RNF24: variants seen among roughly 807,000 people sequenced by gnomAD.
RNF24 encodes ring finger protein 24.
A neutral mutation model predicts 20.0 loss-of-function variants in RNF24; 14 were observed. The ratio of observed to expected loss-of-function variants is 0.70; its 90% CI spans 0.46 to 1.10. The LOEUF is 1.10. Among genes scored for constraint, RNF24 ranks in the 50% least tolerant of loss-of-function variants. RNF24 has a pLI of 0.00. For synonymous variants in RNF24, 45 were observed against 61.1 expected, an observed-to-expected ratio of 0.74 and a Z score of 1.23; for missense variants, 124 against 177.6, an observed-to-expected ratio of 0.70 and a Z score of 1.71.
At chr20:4,010,229 T>C (rs1489197319) in intron 1 of RNF24, among the ~76,000 whole-genome samples, 1 of 149,616 alleles carries the variant, frequency 6.7e-6, no homozygotes, top group Non-Finnish European at 1.5e-5. Flanking sequence ...AAAAATTAGC[T>C]GGACATGGTG....
intron 2 of RNF24, among the ~76,000 whole-genome samples, chr20:3,958,631 A>G (rs2091168388): frequency 6.6e-6 from 1 of 152,072 alleles, no homozygotes; most frequent in Non-Finnish European, 1.5e-5. Context: ...CTTTCTCACA[A>G]TATTCTGTGC....
chr20:3,963,781 TATC>T (rs906618978), intron 2 of RNF24, 91 bp downstream of exon 2: 14 of 1,100,620 alleles, frequency 1.3e-5, no homozygotes, highest in East Asian at 1.0e-4. Context: ...ATTTGCCAAT[TATC>T]ATACTTCATT....
At chr20:3,959,278 G>T (rs899640473) in intron 2 of RNF24, among the ~76,000 whole-genome samples, 1 of 152,050 alleles carries the variant, frequency 6.6e-6, no homozygotes, top group Non-Finnish European at 1.5e-5. Context: ...AGCTGCCTAA[G>T]CCAGAAGTCC....
chr20:3,980,981 G>A (rs1168782792), intron 1 of RNF24, among the ~76,000 whole-genome samples: 1 of 151,690 alleles, frequency 6.6e-6, no homozygotes, highest in African/African-American at 2.4e-5. Context: ...GGGGGCAGGG[G>A]GAGGGGGCGG....
chr20:4,011,104 G>A (rs1259347524), intron 1 of RNF24, among the ~76,000 whole-genome samples: 1 of 152,158 alleles, frequency 6.6e-6, no homozygotes, highest in Non-Finnish European at 1.5e-5. Flanking sequence ...AGGAACACCA[G>A]GGATAAACTG....
At chr20:3,946,723 G>A (rs241638) in intron 3 of RNF24, among the ~76,000 whole-genome samples, 45,865 of 149,150 alleles carry the variant, frequency 0.31, 7,800 homozygotes, top group African/African-American at 0.45. Context: ...GATTATGATA[G>A]GACTGAGACA....
chr20:3,989,117 G>C (rs1219875112), intron 1 of RNF24, among the ~76,000 whole-genome samples: 1 of 152,154 alleles, frequency 6.6e-6, no homozygotes, highest in East Asian at 1.9e-4. Flanking sequence ...TGTCTTTTCT[G>C]AGAGGACAAG....
At chr20:4,014,299 C>G (rs1440254822) in intron 1 of RNF24, among the ~76,000 whole-genome samples, 4 of 152,246 alleles carry the variant, frequency 2.6e-5, no homozygotes, top group African/African-American at 9.6e-5. Context: ...ACCTGCTGGA[C>G]TACCTTCTCA....
At chr20:3,973,031 C>T (rs1278278636) in intron 1 of RNF24, among the ~76,000 whole-genome samples, 2 of 151,602 alleles carry the variant, frequency 1.3e-5, no homozygotes, top group Non-Finnish European at 2.9e-5. Flanking sequence ...GGTAAAACCC[C>T]GTCTCTACTA....
At chr20:3,948,514 C>A (rs993264639) in intron 2 of RNF24, among the ~76,000 whole-genome samples, 9 of 151,998 alleles carry the variant, frequency 5.9e-5, no homozygotes, top group African/African-American at 2.2e-4. Flanking sequence ...TCTTTTTATA[C>A]CGACAGTCTA....
At chr20:3,954,852 T>A (rs1216090473) in intron 2 of RNF24, among the ~76,000 whole-genome samples, 1 of 150,860 alleles carries the variant, frequency 6.6e-6, no homozygotes, top group African/African-American at 2.4e-5. Context: ...TGAGCCGAGA[T>A]CGCGCCATTG....
intron 1 of RNF24, among the ~76,000 whole-genome samples, chr20:4,007,690 C>T (rs1179193350): frequency 6.9e-6 from 1 of 145,806 alleles, no homozygotes; most frequent in African/African-American, 2.6e-5. Flanking sequence ...TCACTTGAGC[C>T]CAGGAGTTTG....
intron 1 of RNF24, among the ~76,000 whole-genome samples, chr20:4,014,175 AGAC>A (rs1270190088): frequency 6.6e-6 from 1 of 152,240 alleles, no homozygotes; most frequent in Non-Finnish European, 1.5e-5. Context: ...CTGTACAACC[AGAC>A]AACAGAACAC....
rs185951700 is a variant in RNF24, at chr20:3,934,795, G to T, written c.308+199C>A. Among the ~76,000 whole-genome samples, 319 of 152,198 alleles carry T rather than the reference G, an allele frequency of 2.1e-3. No individual in the cohort carries two copies. Among genetic ancestry groups the T allele is most frequent in the Admixed American group, 3.4e-3 (52 of 15,280 alleles). On this transcript the variant is annotated intron_variant, in intron 5 of 5. Transcript: ENST00000358395. The surrounding 1 kb of genome is among the most constrained non-coding windows in gnomAD (Gnocchi z 4.0). ...CTCTGCCCATAGTCCTGACGTGGTGGTCACGTTCCACCACTCTGCTGTCTC... is the reference window on the plus strand; with the variant it reads ...CTCTGCCCATAGTCCTGACGTGGTGTTCACGTTCCACCACTCTGCTGTCTC...
At position 3,963,872 on chromosome 20, in the gene RNF24, T is replaced by C; in HGVS notation, c.143+3A>G. On this transcript the variant is annotated splice_donor_region_variant and intron_variant, in intron 2 of 5. Coordinates refer to ENST00000358395, the MANE Select transcript of RNF24 (RefSeq NM_001134337.3). ...GAAGTAACATAGAATGAAAATTGGT[T>C]ACCTAATCAAGTAGCAACAGAAGAG... The C allele has an allele frequency of 6.4e-7, 1 of 1,562,516 alleles. No homozygotes were observed. Among genetic ancestry groups the C allele is most frequent in the Non-Finnish European group, 8.7e-7 (1 of 1,151,098 alleles).
chr20:3,997,229 C>CAAAAAAA (rs1227396478), intron 1 of RNF24, among the ~76,000 whole-genome samples: 2 of 51,234 alleles, frequency 3.9e-5, no homozygotes, highest in Non-Finnish European at 3.7e-5. Flanking sequence ...GACTCCATCT[C>CAAAAAAA]AAAAAAAAAA....
chr20:3,975,095 T>C (rs552520603), intron 1 of RNF24, among the ~76,000 whole-genome samples: 10 of 152,242 alleles, frequency 6.6e-5, no homozygotes, highest in Non-Finnish European at 1.0e-4. Flanking sequence ...AACCCAGAAA[T>C]AGACCCACAC....
intron 4 of RNF24, among the ~76,000 whole-genome samples, chr20:3,936,999 G>A (rs1053523533): frequency 6.6e-6 from 1 of 151,986 alleles, no homozygotes; most frequent in Non-Finnish European, 1.5e-5. Context: ...AACCATACCC[G>A]GCTAATTTTT....
At position 4,015,552 on chromosome 20, in the gene RNF24, T is replaced by G. The variant is rs1365362651; in HGVS notation, c.-123A>C. The G allele has an allele frequency of 1.3e-5, 2 of 150,358 alleles. No homozygotes were observed. The highest frequency in any genetic ancestry group is 1.5e-5 in the Non-Finnish European group (1 of 67,486). The allele number at this position is 150,358 out of a possible 1,614,324, so 9.3% of individuals were successfully genotyped here. ...AGAGCGCGGCGGAGGTGGCGGCGGC[T>G]GACTGCGCCCGGCGGCCCCTCGCGA... On this transcript the variant is annotated 5_prime_UTR_variant, in exon 1 of 6. Transcript: ENST00000358395.
Sources: gnomAD v4.1 joint callset for allele counts (sites outside exome capture counted in the v4.1 genomes callset) on GRCh38, gnomAD v4.1.1 for gene constraint, Gnocchi (gnomAD v3.1) non-coding constraint, MANE v1.5 for transcripts, NCBI Gene and HGNC (gene_info 2026-07-23, HGNC 2026-07-21) for gene names.